The following DCLRE1C variants were observed in gnomAD, a reference collection of about 807,000 sequenced individuals.
DCLRE1C encodes DNA cross-link repair 1C, also known as protein artemis.
In DCLRE1C, 47 loss-of-function variants were observed where a neutral mutation model predicts 61.4. That is an observed-to-expected ratio of 0.77 (90% CI 0.61 to 0.98). DCLRE1C has a LOEUF of 0.98. Among genes scored for constraint, DCLRE1C ranks in the 50% least tolerant of loss-of-function variants. The pLI, the probability that DCLRE1C is intolerant of heterozygous loss-of-function variation, is 0.00. For missense variants in DCLRE1C, 858 were observed against 816.0 expected, an observed-to-expected ratio of 1.05 and a Z score of -0.63; for synonymous variants, 337 against 287.6, an observed-to-expected ratio of 1.17 and a Z score of -1.74.
Position 14,928,092 on chromosome 10 carries a change from G to A in DCLRE1C, c.841C>T (p.Pro281Ser), listed in dbSNP as rs114991479. ...GGCTTAATGCTGATTATGTGGAGTG[G>A]AATTCTATTTCTGGAAGTAATTCCA... ...PCGITSRNRI[P>S]LHIISIKPST... Residue 281 changes from proline to serine, a missense_variant, in exon 10 of 14, where the codon CCA becomes TCA. By Grantham distance (74) the Pro-to-Ser change is moderately conservative. This residue lies in a region of DCLRE1C where 843 missense variants were observed against 783.5 expected (regional missense o/e 1.08). Coordinates refer to ENST00000378278, the MANE Select transcript of DCLRE1C (RefSeq NM_001033855.3). The A allele has an allele frequency of 6.2e-7, 1 of 1,613,424 alleles. No homozygotes were observed. The highest frequency in any genetic ancestry group is 1.3e-5 in the African/African-American group (1 of 74,952).
intron 2 of DCLRE1C, among the ~76,000 whole-genome samples, chr10:14,946,692 C>T (rs1841746517): frequency 6.6e-6 from 1 of 151,584 alleles, no homozygotes; most frequent in Non-Finnish European, 1.5e-5. Flanking sequence ...GGGAGGGGAG[C>T]TCACTGTCAC....
At chr10:14,897,487 A>G (rs144034230) in exon 14 of DCLRE1C, 2 of 1,570,174 alleles carry the variant, frequency 1.3e-6, no homozygotes, top group African/African-American at 1.4e-5. Flanking sequence ...AGATTAAAAG[A>G]ATGAGTTTTG....
At chr10:14,945,235 C>G (rs1841495642) in intron 2 of DCLRE1C, 46 bp from the exon 3 acceptor site, 5 of 1,552,686 alleles carry the variant, frequency 3.2e-6, no homozygotes, top group Non-Finnish European at 4.4e-6. Flanking sequence ...CCAAAATGAG[C>G]CATCTTGGTG....
chr10:14,945,717 G>T lies in DCLRE1C; in HGVS notation c.162-528C>A, dbSNP rs41296354. 2.3e-5 allele frequency among the ~76,000 whole-genome samples: 3 copies of T among 128,318 alleles called. No individual in the cohort carries two copies. The East Asian group carries it at 7.0e-4, about 30-fold the overall frequency. The allele number at this position is 128,318 out of a possible 152,430, so 84.2% of individuals were successfully genotyped here. ...TCTGTTACCCAGGCTGGAGTGCAATGGTGTGATCTCGTCTCACTGCAAACT... is the reference window on the plus strand; with the variant it reads ...TCTGTTACCCAGGCTGGAGTGCAATTGTGTGATCTCGTCTCACTGCAAACT... On this transcript the variant is annotated intron_variant, in intron 2 of 13. Transcript: ENST00000378278.
chr10:14,951,652 C>G (rs1382311087), intron 1 of DCLRE1C, among the ~76,000 whole-genome samples: 2 of 152,114 alleles, frequency 1.3e-5, no homozygotes, highest in Non-Finnish European at 2.9e-5. Context: ...GGAGAGGGCA[C>G]TTTTCCTAAC....
chr10:14,953,840 C>T, intron 1 of DCLRE1C, 62 bp downstream of exon 1: 2 of 1,605,386 alleles, frequency 1.2e-6, no homozygotes, highest in Non-Finnish European at 1.7e-6. Context: ...GGGCCGGCCC[C>T]CTCCTGTCCT....
chr10:14,933,057 C>T, intron 8 of DCLRE1C, 102 bp from the exon 9 acceptor site: 1 of 1,300,462 alleles, frequency 7.7e-7, no homozygotes, highest in Non-Finnish European at 1.1e-6. Flanking sequence ...GTGAATTAAC[C>T]CTCTCTTCTT....
chr10:14,947,420 A>C (rs1841862904), intron 2 of DCLRE1C: 1 of 152,186 alleles, frequency 6.6e-6, no homozygotes, highest in Non-Finnish European at 1.5e-5. Context: ...CCTGATCCAC[A>C]GAAACTGAGC....
chr10:14,934,133 G>C (rs1202662871), intron 8 of DCLRE1C, among the ~76,000 whole-genome samples: 2 of 152,046 alleles, frequency 1.3e-5, no homozygotes, highest in Non-Finnish European at 2.9e-5. Flanking sequence ...TTCAAGACCA[G>C]CCTGGCCAAC....
chr10:14,908,777 A>G lies in DCLRE1C; in HGVS notation c.1710T>C (p.Ile570=), dbSNP rs147993236. 69 of 1,614,082 alleles carry G rather than the reference A, an allele frequency of 4.3e-5. No homozygotes were observed. Among genetic ancestry groups the G allele is most frequent in the Non-Finnish European group, 5.5e-5 (65 of 1,180,040 alleles). ...LSSQERNSGD[I]TSLDKADYRP... ...TGTAGTCAGCTTTGTCCAAGGAAGT[A>G]ATATCCCCACTGTTTCTCTCTTGGG... The change falls in exon 14 of 14, where the codon ATT becomes ATC. Residue 570 remains isoleucine (I), a synonymous_variant. Transcript: ENST00000378278.
At chr10:14,903,309 T>C (rs1232874739), downstream of DCLRE1C, 1 of 152,088 alleles carries the variant, frequency 6.6e-6, no homozygotes, top group Non-Finnish European at 1.5e-5. Flanking sequence ...ATGGAGCACT[T>C]TAAGGGCGCC....
intron 8 of DCLRE1C, among the ~76,000 whole-genome samples, chr10:14,933,616 G>A (rs750698624): frequency 3.3e-5 from 5 of 151,646 alleles, no homozygotes; most frequent in Non-Finnish European, 5.9e-5. Flanking sequence ...CAGCCTGGAC[G>A]ACAGAGCAAG....
intron 11 of DCLRE1C, among the ~76,000 whole-genome samples, chr10:14,926,546 C>A (rs188937739): frequency 1.3e-5 from 2 of 150,950 alleles, no homozygotes; most frequent in Admixed American, 6.6e-5. Context: ...CCCAGCTATT[C>A]GGGAGGCTGA....
At chr10:14,953,285 A>G (rs1310158989) in intron 1 of DCLRE1C, among the ~76,000 whole-genome samples, 2 of 152,304 alleles carry the variant, frequency 1.3e-5, no homozygotes, top group East Asian at 3.9e-4. Flanking sequence ...CATCAGCGAC[A>G]CTCTAACCTT....
chr10:14,905,864 C>T lies in DCLRE1C; in HGVS notation c.*2544G>A, dbSNP rs372029236. On this transcript the variant is annotated 3_prime_UTR_variant, in exon 14 of 14. Transcript: ENST00000378278. ...GCCAGGTGTGGCACACACCTGTAAT[C>T]CCAGCTACTTGGGAGGCTGAGGCAG... 2.0e-5 allele frequency among the ~76,000 whole-genome samples: 3 copies of T among 152,166 alleles called. No homozygotes were observed. Among genetic ancestry groups the T allele is most frequent in the African/African-American group, 7.2e-5 (3 of 41,438 alleles).
At chr10:14,914,919 A>T (rs1176396439) in intron 13 of DCLRE1C, among the ~76,000 whole-genome samples, 1 of 151,428 alleles carries the variant, frequency 6.6e-6, no homozygotes, top group Non-Finnish European at 1.5e-5. Context: ...CAGCCTGGGG[A>T]ACAGAGAGAA....
At chr10:14,897,531 G>A (rs1169954070) in exon 14 of DCLRE1C, 2 of 1,500,272 alleles carry the variant, frequency 1.3e-6, no homozygotes, top group African/African-American at 2.8e-5. Context: ...TGTTTCATTT[G>A]CCACGTAGTA....
intron 10 of DCLRE1C, among the ~76,000 whole-genome samples, chr10:14,927,371 T>C (rs1213065207): frequency 1.6e-5 from 2 of 122,090 alleles, no homozygotes; most frequent in Non-Finnish European, 3.2e-5. Flanking sequence ...AGTGACAGAG[T>C]GAGATTCTTT....
intron 1 of DCLRE1C, among the ~76,000 whole-genome samples, chr10:14,953,656 A>G (rs1014029154): frequency 6.6e-6 from 1 of 152,206 alleles, no homozygotes; most frequent in Non-Finnish European, 1.5e-5. Flanking sequence ...AAGAGAAACT[A>G]CTAGCAGTGC....
Sources: allele counts gnomAD v4.1 joint callset (sites outside exome capture counted in the v4.1 genomes callset), GRCh38; gene constraint gnomAD v4.1.1; regional missense constraint gnomAD v4.1.1; transcripts MANE v1.5; gene names NCBI Gene and HGNC (gene_info 2026-07-23, HGNC 2026-07-21).